The following DEAF1 variants were observed in gnomAD, a reference collection of about 807,000 sequenced individuals.
The protein encoded by DEAF1 is deformed epidermal autoregulatory factor 1 homolog.
DEAF1 carries 53 observed loss-of-function variants against 58.9 expected under a neutral mutation model. The ratio of observed to expected loss-of-function variants is 0.90; its 90% CI spans 0.72 to 1.13. The LOEUF is 1.13. Among genes scored for constraint, DEAF1 ranks in the 50% most tolerant of loss-of-function variants. The pLI is 0.00. For synonymous variants in DEAF1, 385 were observed against 340.4 expected (o/e 1.13, Z -1.44); for missense variants, 685 against 791.4 (o/e 0.87, Z 1.61).
In DEAF1 at chr11:669,584, C is replaced by T. The variant is rs140839204; in HGVS notation, c.1503+4952G>A. Among the ~76,000 whole-genome samples the T allele has an allele frequency of 4.7e-3, 712 of 150,880 alleles. 7 individuals are homozygous for T. The highest frequency in any genetic ancestry group is 0.02 in the South Asian group (95 of 4,746). On this transcript the variant is annotated intron_variant, in intron 10 of 11. Coordinates refer to ENST00000382409, the MANE Select transcript of DEAF1 (RefSeq NM_021008.4). ...CTGGGAGGTGGAGGTTATGGCGAGC[C>T]GAGATTGTGCCATTGGATTCCAGCC...
chr11:653,906 G>T, intron 11 of DEAF1, 56 bp downstream of exon 11: 1 of 1,523,846 alleles, frequency 6.6e-7, no homozygotes, highest in Non-Finnish European at 9.1e-7. Context: ...CCACCCAGGG[G>T]TCTTCGTAGC....
chr11:696,563 G>A (rs886553226), upstream of DEAF1, among the ~76,000 whole-genome samples: 6 of 152,100 alleles, frequency 3.9e-5, no homozygotes, highest in East Asian at 1.2e-3. Flanking sequence ...AGGATCATTT[G>A]AGGCCAGCCT....
intron 6 of DEAF1, among the ~76,000 whole-genome samples, chr11:684,396 C>T (rs1177025169): frequency 3.3e-5 from 5 of 149,930 alleles, no homozygotes; most frequent in African/African-American, 4.9e-5. Context: ...CCAGTGTGGG[C>T]GACAGAATGA....
chr11:704,781 G>C (rs1156983985), intron 1 of DEAF1: 1 of 602,262 alleles, frequency 1.7e-6, no homozygotes, highest in Non-Finnish European at 2.5e-6. Context: ...CTGAGGGCAG[G>C]CTCCGCACTC....
intron 10 of DEAF1, among the ~76,000 whole-genome samples, chr11:663,353 C>A: frequency 6.6e-6 from 1 of 152,200 alleles, no homozygotes; most frequent in East Asian, 1.9e-4. Context: ...GAGACTGAAG[C>A]AGGACAATCG....
In DEAF1 at chr11:679,604, TG is replaced by T. The variant is rs1432088952; in HGVS notation, c.1126+83del. 1.3e-5 allele frequency: 21 copies of T among 1,593,412 alleles called. No individual in the cohort carries two copies. In the African/African-American group the frequency reaches 2.7e-4, roughly 20 times the overall value. On this transcript the variant is annotated intron_variant, in intron 8 of 11. Transcript: ENST00000382409. ...CCCTCTCGAGGCACCCAGCAGCCTA[TG>T]CAGCCCAATGTGGCGTCGGGGATGT... is the stretch of plus-strand genomic sequence containing the variant.
chr11:647,450 G>C lies in DEAF1; in HGVS notation c.1594-2796C>G, dbSNP rs942783768. On this transcript the variant is annotated intron_variant, in intron 11 of 11. Coordinates refer to ENST00000382409, the MANE Select transcript of DEAF1 (RefSeq NM_021008.4). ...AGCCTGGGTGACAGAGCCAGACCCT[G>C]TCTCAAAAACAGAAACAAAACCAAA... Among the ~76,000 whole-genome samples the C allele has an allele frequency of 3.9e-5, 6 of 152,242 alleles. No individual in the cohort carries two copies. The South Asian group carries it at 1.0e-3, about 26-fold the overall frequency.
chr11:690,582 C>G (rs569846249), intron 2 of DEAF1, among the ~76,000 whole-genome samples: 1 of 151,990 alleles, frequency 6.6e-6, no homozygotes, highest in East Asian at 1.9e-4. Context: ...CCTGTCTCTA[C>G]TAAAAATACA....
At position 680,751 on chromosome 11, in the gene DEAF1, G is replaced by T. The variant is rs565314877; in HGVS notation, c.997+212C>A. Among the ~76,000 whole-genome samples the T allele has an allele frequency of 4.6e-5, 7 of 152,336 alleles. No homozygotes were observed. In the East Asian group the frequency reaches 9.6e-4, roughly 21 times the overall value. ...CCCAGGACAAGGCCAACAGTGTCCG[G>T]GTCCCAGGGAAGCAAGACCGAGCTG... On this transcript the variant is annotated intron_variant, in intron 7 of 11. Transcript: ENST00000382409.
At position 655,048 on chromosome 11, in the gene DEAF1, AAAAC is replaced by A. The variant is rs202011316; in HGVS notation, c.1504-1001_1504-998del. ...TGGGCGACAGAGCAAGACTGTCTCC[AAAAC>A]AAACAAACAAACAAACAAACAAAAA... On this transcript the variant is annotated intron_variant, in intron 10 of 11. Transcript: ENST00000382409. Among the ~76,000 whole-genome samples, 157 of 151,156 alleles carry A rather than the reference AAAAC, an allele frequency of 1.0e-3. 4 individuals are homozygous for A. Among genetic ancestry groups the A allele is most frequent in the Middle Eastern group, 3.4e-3 (1 of 294 alleles).
At chr11:679,940 T>A in intron 7 of DEAF1, 124 bp from the exon 8 acceptor site, 3 of 1,328,148 alleles carry the variant, frequency 2.3e-6, no homozygotes, top group Non-Finnish European at 3.1e-6. Context: ...GTGGTAACTG[T>A]ACCCTCCCAT....
At chr11:658,365 C>T (rs994885736) in intron 10 of DEAF1, among the ~76,000 whole-genome samples, 3 of 152,178 alleles carry the variant, frequency 2.0e-5, no homozygotes, top group Admixed American at 1.3e-4. Context: ...GGAGGTGGAG[C>T]TTGCAGTGAG....
chr11:694,877 C>G lies in DEAF1; in HGVS notation c.171G>C (p.Glu57Asp). The G allele has an allele frequency of 6.7e-7, 1 of 1,501,766 alleles. No individual in the cohort carries two copies. Among genetic ancestry groups the G allele is most frequent in the Non-Finnish European group, 8.8e-7 (1 of 1,130,212 alleles). The allele number at this position is 1,501,766 out of a possible 1,614,324, so 93.0% of individuals were successfully genotyped here. ...CTGCCGTGACCCGCGGCGTCTCCCG[C>G]TCCGCCTCCGAGTCTGCGTCCTCCT... is the stretch of plus-strand genomic sequence containing the variant. ...DSEEDADSEA[E>D]RETPRVTAVA... is the part of the protein sequence containing the mutation. The change falls in exon 1 of 12, where the codon GAG (glutamate) becomes GAC (aspartate). Residue 57 changes from glutamate (E) to aspartate (D), a missense_variant. Coordinates refer to ENST00000382409, the MANE Select transcript of DEAF1 (RefSeq NM_021008.4).
chr11:688,612 CCT>C lies in DEAF1; in HGVS notation c.388-154_388-153del. 1.1e-6 allele frequency: 1 copy of C among 887,972 alleles called. No individual in the cohort carries two copies. The highest frequency in any genetic ancestry group is 1.8e-6 in the Non-Finnish European group (1 of 558,800). The allele number at this position is 887,972 out of a possible 1,614,324, so 55.0% of individuals were successfully genotyped here. A position where few individuals can be genotyped will look rare whatever the true frequency, so the allele number is the denominator to read the frequency against. On this transcript the variant is annotated intron_variant, in intron 2 of 11. Transcript: ENST00000382409. The surrounding 1 kb of genome is among the most constrained non-coding windows in gnomAD (Gnocchi z 4.3). ...GCACCCCATATCTTTTCCAAAGATACCTCTCAAAGACTTGAAAACAGAGCCAA... is the reference window on the plus strand; with the variant it reads ...GCACCCCATATCTTTTCCAAAGATACCTCAAAGACTTGAAAACAGAGCCAA...
intron 9 of DEAF1, among the ~76,000 whole-genome samples, chr11:675,993 C>T (rs1471570702): frequency 4.7e-5 from 1 of 21,338 alleles, no homozygotes; most frequent in African/African-American, 1.1e-4. Flanking sequence ...CCCGGGGCAC[C>T]TGGCACCCCC....
chr11:648,599 C>T (rs749722506), intron 11 of DEAF1, among the ~76,000 whole-genome samples: 4 of 151,986 alleles, frequency 2.6e-5, no homozygotes, highest in Admixed American at 6.6e-5. Context: ...GGGATGTGTT[C>T]GTTCTGTAGG....
At chr11:664,140 G>A (rs1325550300) in intron 10 of DEAF1, among the ~76,000 whole-genome samples, 1 of 151,968 alleles carries the variant, frequency 6.6e-6, no homozygotes, top group Non-Finnish European at 1.5e-5. Flanking sequence ...TTGAACCCAG[G>A]AGGCAGAGGT....
exon 1 of DEAF1, among the ~76,000 whole-genome samples, chr11:707,038 C>A (rs1861742775): frequency 6.6e-6 from 1 of 151,952 alleles, no homozygotes; most frequent in Non-Finnish European, 1.5e-5. Flanking sequence ...CATGCCCGGA[C>A]CTCTGCCCCC....
At chr11:649,306 CA>C (rs755544049) in intron 11 of DEAF1, among the ~76,000 whole-genome samples, 21 of 151,956 alleles carry the variant, frequency 1.4e-4, no homozygotes, top group Non-Finnish European at 2.5e-4. Flanking sequence ...CCTGTAATCC[CA>C]GTTACTTGGG....
Sources: allele counts gnomAD v4.1 joint callset (sites outside exome capture counted in the v4.1 genomes callset), GRCh38; gene constraint gnomAD v4.1.1; non-coding constraint Gnocchi (gnomAD v3.1); transcripts MANE v1.5; gene names NCBI Gene and HGNC (gene_info 2026-07-23, HGNC 2026-07-21).